WWOX: variants seen among roughly 807,000 people sequenced by gnomAD.
The protein encoded by WWOX is WW domain containing oxidoreductase, also known as WW domain-containing oxidoreductase.
A neutral mutation model predicts 46.2 loss-of-function variants in WWOX; 69 were observed. The ratio of observed to expected loss-of-function variants is 1.49; its 90% CI spans 1.23 to 1.82. WWOX has a LOEUF of 1.82. Among genes scored for constraint, WWOX ranks in the 40% most tolerant of loss-of-function variants. WWOX has a pLI of 0.00. For missense variants in WWOX, 919 were observed against 542.6 expected (o/e 1.69, Z -6.89); for synonymous variants, 359 against 202.6 (o/e 1.77, Z -6.56).
At chr16:78,439,227 A>G (rs1463367065) in intron 8 of WWOX, among the ~76,000 whole-genome samples, 1 of 152,170 alleles carries the variant, frequency 6.6e-6, no homozygotes, top group African/African-American at 2.4e-5. Flanking sequence ...TTCTTCATGA[A>G]TCTAAACATT....
At chr16:78,648,506 C>T (rs2046895779) in intron 8 of WWOX, among the ~76,000 whole-genome samples, 1 of 152,192 alleles carries the variant, frequency 6.6e-6, no homozygotes, top group Non-Finnish European at 1.5e-5. Context: ...TATTTTGTCA[C>T]AGAATGCCGA....
intron 8 of WWOX, among the ~76,000 whole-genome samples, chr16:78,445,952 T>C (rs920579201): frequency 6.6e-6 from 1 of 152,146 alleles, no homozygotes; most frequent in African/African-American, 2.4e-5. Flanking sequence ...AGCCTAGCCT[T>C]TGCTGTGCTT....
intron 8 of WWOX, among the ~76,000 whole-genome samples, chr16:78,533,891 G>A (rs1263877725): frequency 1.3e-5 from 2 of 152,164 alleles, no homozygotes; most frequent in Non-Finnish European, 2.9e-5. Context: ...GAGGATGGAT[G>A]TGTGTCCATC....
chr16:78,618,996 C>T (rs892533529), intron 8 of WWOX, among the ~76,000 whole-genome samples: 8 of 149,622 alleles, frequency 5.3e-5, no homozygotes, highest in African/African-American at 9.9e-5. Context: ...GTTTCCTCAA[C>T]TCTTCATTTA....
chr16:78,329,556 G>C (rs976415155), intron 5 of WWOX, among the ~76,000 whole-genome samples: 1 of 152,176 alleles, frequency 6.6e-6, no homozygotes, highest in Non-Finnish European at 1.5e-5. Context: ...AAGTTGCAAG[G>C]TCTTTGGATG....
chr16:78,568,147 G>T (rs1311973712), intron 8 of WWOX, among the ~76,000 whole-genome samples: 4 of 152,110 alleles, frequency 2.6e-5, no homozygotes, highest in Admixed American at 6.6e-5. Context: ...TGACCAGATG[G>T]TTCTAAAATA....
At chr16:78,415,890 G>T (rs2082786491) in intron 6 of WWOX, among the ~76,000 whole-genome samples, 1 of 152,108 alleles carries the variant, frequency 6.6e-6, no homozygotes, top group African/African-American at 2.4e-5. Context: ...GGCTCTAGTT[G>T]AAGGGGTTGC....
chr16:78,768,967 C>T (rs1166665593), intron 8 of WWOX, among the ~76,000 whole-genome samples: 1 of 152,172 alleles, frequency 6.6e-6, no homozygotes. Flanking sequence ...CAGAATAAAA[C>T]CAAGCACCAG....
At position 78,663,073 on chromosome 16, in the gene WWOX, C is replaced by G. The variant is rs575667553; in HGVS notation, c.1056+230321C>G. On this transcript the variant is annotated intron_variant, in intron 8 of 8. Transcript: ENST00000566780. ...CATTGGCTTATCGTATAGTCACAAA[C>G]TTGTGCAGACATCACCACTATCTAA... 4.6e-5 allele frequency among the ~76,000 whole-genome samples: 7 copies of G among 152,304 alleles called. No homozygotes were observed. In the South Asian group the frequency reaches 1.2e-3, roughly 27 times the overall value.
intron 8 of WWOX, among the ~76,000 whole-genome samples, chr16:78,678,637 C>T (rs1307603983): frequency 3.3e-5 from 5 of 152,114 alleles, no homozygotes; most frequent in Non-Finnish European, 7.3e-5. Context: ...AACAGGAAAA[C>T]ACATGGAGTC....
At chr16:78,843,771 C>T (rs1190044025) in intron 8 of WWOX, among the ~76,000 whole-genome samples, 1 of 152,088 alleles carries the variant, frequency 6.6e-6, no homozygotes. Flanking sequence ...TTAGCCAGAG[C>T]CAAAAGCAAT....
At chr16:78,962,895 C>G (rs146303087) in intron 8 of WWOX, among the ~76,000 whole-genome samples, 3 of 152,194 alleles carry the variant, frequency 2.0e-5, no homozygotes, top group Non-Finnish European at 4.4e-5. Flanking sequence ...TCACCCAGTA[C>G]GCATTCTTTG....
At chr16:78,251,236 G>A (rs546074504) in intron 5 of WWOX, among the ~76,000 whole-genome samples, 1 of 152,234 alleles carries the variant, frequency 6.6e-6, no homozygotes, top group South Asian at 2.1e-4. Context: ...TTTTTACCCA[G>A]TTTCTGTTCA....
At chr16:78,886,824 G>C (rs2044468609) in intron 8 of WWOX, among the ~76,000 whole-genome samples, 1 of 152,054 alleles carries the variant, frequency 6.6e-6, no homozygotes, top group Non-Finnish European at 1.5e-5. Flanking sequence ...AGCTTATTCA[G>C]AGTCCTTCCT....
chr16:78,922,473 G>C (rs1249772367), intron 8 of WWOX, among the ~76,000 whole-genome samples: 1 of 151,784 alleles, frequency 6.6e-6, no homozygotes, highest in Non-Finnish European at 1.5e-5. Flanking sequence ...CTACCTCCCG[G>C]GTTCAAGCGA....
At chr16:78,117,688 T>C (rs2032871195) in intron 4 of WWOX, among the ~76,000 whole-genome samples, 1 of 152,198 alleles carries the variant, frequency 6.6e-6, no homozygotes, top group Non-Finnish European at 1.5e-5. Flanking sequence ...TTGCTATCAC[T>C]ACTTTAGTTC....
intron 8 of WWOX, among the ~76,000 whole-genome samples, chr16:78,794,437 T>A (rs1186783398): frequency 6.6e-6 from 1 of 152,196 alleles, no homozygotes; most frequent in South Asian, 2.1e-4. Flanking sequence ...GATTATTTTG[T>A]CATAAAAGCC....
chr16:78,890,645 C>T (rs2044569815), intron 8 of WWOX: 2 of 152,216 alleles, frequency 1.3e-5, no homozygotes, highest in South Asian at 2.1e-4. Flanking sequence ...GCTCACTCAG[C>T]CAGTATTTTC....
chr16:78,298,756 A>T (rs1340455473), intron 5 of WWOX, among the ~76,000 whole-genome samples: 1 of 150,300 alleles, frequency 6.7e-6, no homozygotes, highest in Admixed American at 6.7e-5. Flanking sequence ...GCACCATTGC[A>T]CTCCAGCCTG....
Sources: allele counts gnomAD v4.1 joint callset (sites outside exome capture counted in the v4.1 genomes callset), GRCh38; gene constraint gnomAD v4.1.1; transcripts MANE v1.5; gene names NCBI Gene and HGNC (gene_info 2026-07-23, HGNC 2026-07-21).